KTN1: variants seen among roughly 807,000 people sequenced by gnomAD.
KTN1 encodes the protein kinectin 1.
In KTN1, 130 loss-of-function variants were observed where a neutral mutation model predicts 222.5. The ratio of observed to expected loss-of-function variants is 0.58; its 90% CI spans 0.51 to 0.68. The LOEUF (loss-of-function observed/expected upper bound fraction) is 0.68. Ranked by LOEUF, KTN1 falls within the 30% of genes least tolerant of loss-of-function variation. The pLI, the probability that KTN1 is intolerant of heterozygous loss-of-function variation, is 0.00. For missense variants in KTN1, 1,508 were observed against 1,500.4 expected (o/e 1.01, Z -0.08); for synonymous variants, 512 against 496.3 (o/e 1.03, Z -0.42).
At chr14:55,680,827 A>C in intron 43 of KTN1, 2 of 665,016 alleles carry the variant, frequency 3.0e-6, no homozygotes, top group South Asian at 2.9e-5. Flanking sequence ...CCTCAGCTCA[A>C]ATCTTTTATC....
At chr14:55,659,549 G>T in intron 30 of KTN1, 117 bp from the exon 31 acceptor site, 1 of 708,174 alleles carries the variant, frequency 1.4e-6, no homozygotes. Context: ...ACTGGCATAT[G>T]AAATATATAC....
At chr14:55,646,460 T>TTTTCCTTCCC (rs2042313177) in intron 18 of KTN1, among the ~76,000 whole-genome samples, 1 of 48,958 alleles carries the variant, frequency 2.0e-5, no homozygotes, top group Non-Finnish European at 4.2e-5. Context: ...TTCCTTTTCC[T>TTTTCCTTCCC]TTTCCTTTCC....
intron 6 of KTN1, 79 bp from the exon 7 acceptor site, chr14:55,629,878 A>G: frequency 1.1e-6 from 1 of 937,868 alleles, no homozygotes; most frequent in Non-Finnish European, 1.7e-6. Flanking sequence ...ATGTTAAATA[A>G]CATCATTGTT....
intron 28 of KTN1, among the ~76,000 whole-genome samples, chr14:55,655,048 C>T (rs937991129): frequency 6.6e-6 from 1 of 152,052 alleles, no homozygotes; most frequent in Non-Finnish European, 1.5e-5. Context: ...GAGTGCAGGG[C>T]TGTGATCATG....
chr14:55,618,607 G>A (rs551115602), intron 4 of KTN1, among the ~76,000 whole-genome samples: 2 of 152,282 alleles, frequency 1.3e-5, no homozygotes, highest in East Asian at 1.9e-4. Context: ...CTCTTTTTAA[G>A]AAGAGGTTGT....
chr14:55,661,496 C>T (rs750105941), intron 31 of KTN1, 26 bp from the exon 32 acceptor site: 41 of 1,216,790 alleles, frequency 3.4e-5, no homozygotes, highest in Non-Finnish European at 4.9e-5. Context: ...TAAAATCTTG[C>T]TACATGTATT....
At chr14:55,602,580 ACTGT>A (rs1826467388) in intron 1 of KTN1, among the ~76,000 whole-genome samples, 1 of 150,540 alleles carries the variant, frequency 6.6e-6, no homozygotes, top group Admixed American at 6.6e-5. Flanking sequence ...GACCTTCAAC[ACTGT>A]CTTTTTTTTT....
At chr14:55,609,509 A>C (rs192680645) in intron 1 of KTN1, among the ~76,000 whole-genome samples, 1 of 152,200 alleles carries the variant, frequency 6.6e-6, no homozygotes, top group East Asian at 1.9e-4. Context: ...TCACGCCTAT[A>C]TATGGGACCT....
intron 5 of KTN1, among the ~76,000 whole-genome samples, chr14:55,620,504 C>G (rs889590785): frequency 2.0e-5 from 3 of 152,236 alleles, no homozygotes; most frequent in African/African-American, 7.2e-5. Context: ...CCAGGTGTTT[C>G]CATACATCCT....
Position 55,600,729 on chromosome 14 carries a change from G to A in KTN1, c.-30-11290G>A, listed in dbSNP as rs191700657. ...TTTACGGTATGAATTTCATGTTGTA[G>A]TGTTAATTTTTGAACAGTTTTGATG... is the stretch of plus-strand genomic sequence containing the variant. On this transcript the variant is annotated intron_variant, in intron 1 of 43. Transcript: ENST00000395314. Among the ~76,000 whole-genome samples the A allele has an allele frequency of 8.9e-5, 13 of 146,058 alleles. No homozygotes were observed. In the East Asian group the frequency reaches 1.2e-3, roughly 13 times the overall value.
rs1235590146 is a variant in KTN1 at position 55,646,491 on chromosome 14, TTTCC to T, written c.2173-479_2173-476del. ...TTTCCTTTCCTTTCCTTTCCTTTCC[TTTCC>T]TTTCCTTTCCTTTCCTTTCCTTTCC... On this transcript the variant is annotated intron_variant, in intron 18 of 43. Transcript: ENST00000395314. 2.7e-3 allele frequency among the ~76,000 whole-genome samples: 281 copies of T among 103,476 alleles called. 3 individuals are homozygous for T. The highest frequency in any genetic ancestry group is 9.6e-3 in the African/African-American group (239 of 25,014). The allele number at this position is 103,476 out of a possible 152,430, so 67.9% of individuals were successfully genotyped here. A position where few individuals can be genotyped will look rare whatever the true frequency, so the allele number is the denominator to read the frequency against.
chr14:55,608,985 A>G (rs1414521371), intron 1 of KTN1, among the ~76,000 whole-genome samples: 1 of 151,748 alleles, frequency 6.6e-6, no homozygotes, highest in Non-Finnish European at 1.5e-5. Flanking sequence ...GGGATAAAGA[A>G]TTGGGATTGT....
At chr14:55,656,669 G>A (rs999296042) in intron 29 of KTN1, among the ~76,000 whole-genome samples, 3 of 152,072 alleles carry the variant, frequency 2.0e-5, no homozygotes, top group African/African-American at 7.2e-5. Context: ...GTTTCAGCAT[G>A]TTGGCCAGAC....
chr14:55,659,778 A>G (rs1240667006), intron 31 of KTN1, 75 bp downstream of exon 31: 6 of 865,340 alleles, frequency 6.9e-6, no homozygotes, highest in Admixed American at 2.1e-5. Context: ...CAAATAAGCA[A>G]TTTAGTGTAA....
intron 9 of KTN1, among the ~76,000 whole-genome samples, chr14:55,636,229 T>TA (rs1486254150): frequency 1.3e-5 from 2 of 152,222 alleles, no homozygotes; most frequent in Non-Finnish European, 2.9e-5. Context: ...CTCCAAACTG[T>TA]AAACCCTGTA....
chr14:55,677,473 T>TAAAAAAAAAAAAAAAAAAA (rs72424779), intron 41 of KTN1, among the ~76,000 whole-genome samples: 2 of 98,338 alleles, frequency 2.0e-5, no homozygotes, highest in East Asian at 5.3e-4. Flanking sequence ...AAAGACTGTC[T>TAAAAAAAAAAAAAAAAAAA]AAAAAAAAAA....
At chr14:55,680,687 G>C (rs1201775154) in intron 43 of KTN1, 1 of 1,366,198 alleles carries the variant, frequency 7.3e-7, no homozygotes, top group Non-Finnish European at 9.8e-7. Flanking sequence ...TCACTTTAGA[G>C]TGATCATCCT....
intron 34 of KTN1, among the ~76,000 whole-genome samples, chr14:55,669,910 A>G (rs1016310429): frequency 6.6e-5 from 10 of 152,030 alleles, no homozygotes; most frequent in Admixed American, 6.6e-4. Context: ...AAATTTCATG[A>G]GTTTTTTTCT....
In KTN1 at chr14:55,628,037, A is replaced by G. The variant is rs748960409; in HGVS notation, c.1080+9A>G. Reference sequence around the variant, plus strand: ...GTAAGCAGTTAACCCAGGTGAAGACATTCTTATGTACGAGGGATATACTTC... The same window carrying G: ...GTAAGCAGTTAACCCAGGTGAAGACGTTCTTATGTACGAGGGATATACTTC... On this transcript the variant is annotated intron_variant, in intron 6 of 43. Coordinates refer to ENST00000395314, the MANE Select transcript of KTN1 (RefSeq NM_001079521.2). 2.0e-6 allele frequency: 3 copies of G among 1,526,436 alleles called. No individual in the cohort carries two copies. The highest frequency in any genetic ancestry group is 1.7e-4 in the Middle Eastern group (1 of 5,900). 94.6% of individuals were successfully genotyped at this position (1,526,436 alleles called of 1,614,324 possible).
Sources: gnomAD v4.1 joint callset for allele counts (sites outside exome capture counted in the v4.1 genomes callset) on GRCh38, gnomAD v4.1.1 for gene constraint, MANE v1.5 for transcripts, NCBI Gene and HGNC (gene_info 2026-07-23, HGNC 2026-07-21) for gene names.